Variants in TMCO6 observed in about 807,000 individuals in gnomAD.
TMCO6 encodes transmembrane and coiled-coil domain-containing protein 6.
A neutral mutation model predicts 61.8 loss-of-function variants in TMCO6; 47 were observed. The observed-to-expected ratio is 0.76, with a 90% confidence interval of 0.60 to 0.97. The LOEUF (loss-of-function observed/expected upper bound fraction) is 0.97, where lower values mean the gene tolerates loss of function less well. Ranked by LOEUF, TMCO6 falls within the 50% of genes least tolerant of loss-of-function variation. The pLI, the probability that TMCO6 is intolerant of heterozygous loss-of-function variation, is 0.00. For synonymous variants in TMCO6, 261 were observed against 254.2 expected (o/e 1.03, Z -0.25); for missense variants, 557 against 601.6 (o/e 0.93, Z 0.78).
the TMCO6 span, among the ~76,000 whole-genome samples, chr5:140,622,745 A>G: frequency 6.6e-6 from 1 of 151,704 alleles, no homozygotes; most frequent in Non-Finnish European, 1.5e-5. Context: ...AAAAAAAAGA[A>G]AGAAAAAAGA....
At chr5:140,632,559 A>C in the TMCO6 span, 2 of 1,614,108 alleles carry the variant, frequency 1.2e-6, no homozygotes, top group Non-Finnish European at 1.7e-6. This position sits in a 1 kb window ranked among gnomAD's most constrained non-coding sequence, Gnocchi z 6.2. Flanking sequence ...GGAAAGTGCA[A>C]GTCCTGTGGC....
the TMCO6 span, among the ~76,000 whole-genome samples, chr5:140,622,190 C>G: frequency 6.6e-6 from 1 of 152,138 alleles, no homozygotes; most frequent in Non-Finnish European, 1.5e-5. Flanking sequence ...TGTGATGTCT[C>G]CCCTGGACAC....
chr5:140,629,772 A>T, the TMCO6 span, among the ~76,000 whole-genome samples: 1 of 151,938 alleles, frequency 6.6e-6, no homozygotes, highest in Non-Finnish European at 1.5e-5. Context: ...TGTCTCTACG[A>T]AAAATACAAA....
At chr5:140,619,437 A>G in the TMCO6 span, among the ~76,000 whole-genome samples, 4 of 152,218 alleles carry the variant, frequency 2.6e-5, no homozygotes. Flanking sequence ...GTAACTGCCA[A>G]ACTTTACCCT....
At chr5:140,621,699 G>A in the TMCO6 span, among the ~76,000 whole-genome samples, 1 of 152,174 alleles carries the variant, frequency 6.6e-6, no homozygotes, top group Admixed American at 6.5e-5. Flanking sequence ...TCTTTTAAAA[G>A]CAAATGGGAG....
At chr5:140,645,421 G>A (rs946005338), downstream of TMCO6, 12 of 903,436 alleles carry the variant, frequency 1.3e-5, no homozygotes, top group African/African-American at 3.3e-5. Flanking sequence ...TTGCCTCAGT[G>A]GTTGCACAGT....
At chr5:140,637,899 AAT>A (rs1278756257), upstream of TMCO6, among the ~76,000 whole-genome samples, 1 of 151,076 alleles carries the variant, frequency 6.6e-6, no homozygotes, top group Non-Finnish European at 1.5e-5. Context: ...CCCACAAACC[AAT>A]GTCTTTCTCT....
At chr5:140,638,568 T>TC (rs1280413944), upstream of TMCO6, among the ~76,000 whole-genome samples, 3 of 146,918 alleles carry the variant, frequency 2.0e-5, no homozygotes, top group African/African-American at 7.8e-5. Context: ...TTTCTTTCTT[T>TC]TTTTTTTTTT....
chr5:140,616,356 T>A, the TMCO6 span, among the ~76,000 whole-genome samples: 2 of 152,026 alleles, frequency 1.3e-5, no homozygotes, highest in Admixed American at 1.3e-4. Context: ...GTTCAAGAGT[T>A]CAAGACCAGC....
the TMCO6 span, among the ~76,000 whole-genome samples, chr5:140,628,910 G>A: frequency 1.3e-5 from 2 of 152,176 alleles, no homozygotes; most frequent in African/African-American, 4.8e-5. Context: ...AGTGCCTACA[G>A]TGTAGATACA....
At chr5:140,598,257 A>T in the TMCO6 span, among the ~76,000 whole-genome samples, 4,677 of 150,538 alleles carry the variant, frequency 0.031, 225 homozygotes, top group African/African-American at 0.1. Context: ...CCCAGGCTGG[A>T]GTGCAGTGGC....
chr5:140,609,348 A>G, the TMCO6 span: 1 of 260,226 alleles, frequency 3.8e-6, no homozygotes, highest in South Asian at 4.1e-5. Context: ...AGGAAGCAGG[A>G]GGAGCTGAGC....
chr5:140,641,428 A>C (rs912106027), intron 2 of TMCO6: 1 of 517,156 alleles, frequency 1.9e-6, no homozygotes. Flanking sequence ...TCTCATTTTC[A>C]GGTGAGGAAA....
downstream of TMCO6, chr5:140,647,061 C>CT: frequency 1.6e-6 from 1 of 642,982 alleles, no homozygotes; most frequent in Non-Finnish European, 2.5e-6. Context: ...AGCCTGCATA[C>CT]TTATGTTGCC....
At chr5:140,605,736 C>A in the TMCO6 span, among the ~76,000 whole-genome samples, 1 of 38,660 alleles carries the variant, frequency 2.6e-5, no homozygotes, top group Non-Finnish European at 6.4e-5. Context: ...CACACACACA[C>A]ACAAAGAAAG....
chr5:140,615,774 C>G, the TMCO6 span, among the ~76,000 whole-genome samples: 1 of 152,058 alleles, frequency 6.6e-6, no homozygotes, highest in African/African-American at 2.4e-5. Flanking sequence ...TACTTTATAC[C>G]ATATGTAAAA....
chr5:140,615,018 A>G, the TMCO6 span, among the ~76,000 whole-genome samples: 2 of 152,224 alleles, frequency 1.3e-5, no homozygotes, highest in African/African-American at 2.4e-5. Context: ...ATTAATCTCC[A>G]TTCGTAAATG....
chr5:140,641,517 C>A, intron 2 of TMCO6, 148 bp from the exon 3 acceptor site: 1 of 664,138 alleles, frequency 1.5e-6, no homozygotes, highest in Non-Finnish European at 2.7e-6. Context: ...CACTCCACTG[C>A]AAGGTAGATG....
rs1337071269 is a variant in TMCO6, at chr5:140,643,685, G to T, written c.918+10G>T. ...TGCAGGACTGGAGCTGGTAGGTGAAGATGTCAGGTGAAATTCTGGGAGATG... is the reference window on the plus strand; with the variant it reads ...TGCAGGACTGGAGCTGGTAGGTGAATATGTCAGGTGAAATTCTGGGAGATG... On this transcript the variant is annotated intron_variant, in intron 8 of 11. Coordinates refer to ENST00000394671, the MANE Select transcript of TMCO6 (RefSeq NM_018502.5). 2 of 1,607,564 alleles carry T rather than the reference G, an allele frequency of 1.2e-6. No homozygotes were observed. Among genetic ancestry groups the T allele is most frequent in the African/African-American group, 2.7e-5 (2 of 74,686 alleles).
Sources: allele counts gnomAD v4.1 joint callset (sites outside exome capture counted in the v4.1 genomes callset), GRCh38; gene constraint gnomAD v4.1.1; non-coding constraint Gnocchi (gnomAD v3.1); transcripts MANE v1.5; gene names NCBI Gene and HGNC (gene_info 2026-07-23, HGNC 2026-07-21).